The following CCDC18 variants were observed in gnomAD, a reference collection of about 807,000 sequenced individuals.
CCDC18 encodes coiled-coil domain containing 18.
Under a neutral mutation model 196.0 loss-of-function variants are expected in CCDC18, and 157 were observed. That is an observed-to-expected ratio of 0.80 (90% CI 0.70 to 0.91). The LOEUF is 0.91. Ranked by LOEUF, CCDC18 falls within the 40% of genes least tolerant of loss-of-function variation. The pLI, the probability that CCDC18 is intolerant of heterozygous loss-of-function variation, is 0.00. For synonymous variants in CCDC18, 482 were observed against 529.2 expected (o/e 0.91, Z 1.22); for missense variants, 1,465 against 1,611.6 (o/e 0.91, Z 1.56).
intron 21 of CCDC18, among the ~76,000 whole-genome samples, chr1:93,241,547 C>T (rs957769280): frequency 6.6e-6 from 1 of 151,664 alleles, no homozygotes; most frequent in African/African-American, 2.4e-5. Context: ...TATGGTGAAA[C>T]CCCATCTCTA....
chr1:93,242,969 G>A (rs1425814972), intron 21 of CCDC18, among the ~76,000 whole-genome samples: 1 of 152,206 alleles, frequency 6.6e-6, no homozygotes, highest in Non-Finnish European at 1.5e-5. Flanking sequence ...CCACCGGCTG[G>A]CATTGAGTAT....
chr1:93,228,040 T>G (rs1658684303), intron 17 of CCDC18, among the ~76,000 whole-genome samples: 1 of 149,600 alleles, frequency 6.7e-6, no homozygotes, highest in South Asian at 2.1e-4. Flanking sequence ...ATCAGAAAGG[T>G]CCAATGAGAA....
At chr1:93,273,554 C>G (rs544692762) in intron 28 of CCDC18, 1 of 152,158 alleles carries the variant, frequency 6.6e-6, no homozygotes, top group Non-Finnish European at 1.5e-5. Flanking sequence ...GTGGAACAAC[C>G]GTGCAAGATA....
chr1:93,272,497 G>T (rs1011340184), intron 28 of CCDC18, among the ~76,000 whole-genome samples: 1 of 152,136 alleles, frequency 6.6e-6, no homozygotes. Context: ...AAATAGAAGA[G>T]AAATTAGGAG....
intron 10 of CCDC18, among the ~76,000 whole-genome samples, chr1:93,211,879 G>A (rs911978533): frequency 4.0e-4 from 61 of 152,122 alleles, no homozygotes; most frequent in Non-Finnish European, 1.2e-4. Flanking sequence ...GTCATACAGT[G>A]TGTACATTTT....
chr1:93,223,759 A>G (rs1657816004), intron 16 of CCDC18, among the ~76,000 whole-genome samples: 1 of 152,176 alleles, frequency 6.6e-6, no homozygotes, highest in African/African-American at 2.4e-5. Flanking sequence ...AAAAAGTCTT[A>G]AACATAAAAG....
At chr1:93,273,869 A>G (rs2101576204) in intron 28 of CCDC18, among the ~76,000 whole-genome samples, 1 of 152,308 alleles carries the variant, frequency 6.6e-6, no homozygotes. Flanking sequence ...AATCCTTTAC[A>G]TAAATTAACT....
intron 24 of CCDC18, 124 bp from the exon 25 acceptor site, chr1:93,256,211 T>C: frequency 1.3e-6 from 1 of 749,268 alleles, no homozygotes; most frequent in South Asian, 1.9e-5. Context: ...AATTTTAACA[T>C]ACTCATTGTA....
intron 14 of CCDC18, 82 bp from the exon 15 acceptor site, chr1:93,221,527 T>G: frequency 2.1e-6 from 2 of 939,538 alleles, no homozygotes. Context: ...GTAATTTCAA[T>G]TATAGTGTCA....
intron 16 of CCDC18, among the ~76,000 whole-genome samples, chr1:93,223,452 A>G (rs879006923): frequency 4.6e-5 from 7 of 152,300 alleles, no homozygotes; most frequent in Admixed American, 2.6e-4. Context: ...TGTCATTACT[A>G]CCTTCCTTTC....
chr1:93,205,553 G>A lies in CCDC18; in HGVS notation c.839G>A (p.Cys280Tyr). ...ATATTAGAGAGAAATCTAACTAACT[G>A]TGAAAAAGAAAATAAAAGGCTACAA... is the stretch of plus-strand genomic sequence containing the variant. Reference protein sequence around the residue: ...EEILERNLTNCEKENKRLQER... With the variant: ...EEILERNLTNYEKENKRLQER... Residue 280 changes from cysteine to tyrosine, a missense_variant, in exon 8 of 29, where the codon TGT becomes TAT. Physicochemically the swap from Cys to Tyr is radical, Grantham distance 194. Coordinates refer to ENST00000690025, the MANE Select transcript of CCDC18 (RefSeq NM_001378204.1). 6.3e-7 allele frequency: 1 copy of A among 1,591,076 alleles called. No homozygotes were observed. Among genetic ancestry groups the A allele is most frequent in the South Asian group, 1.1e-5 (1 of 89,488 alleles).
chr1:93,236,663 T>A (rs185408859), intron 19 of CCDC18, among the ~76,000 whole-genome samples: 1 of 152,196 alleles, frequency 6.6e-6, no homozygotes, highest in African/African-American at 2.4e-5. Flanking sequence ...ACTGGCACAG[T>A]TCCTTATACC....
chr1:93,217,468 A>G (rs775547494), intron 13 of CCDC18, among the ~76,000 whole-genome samples: 54 of 152,180 alleles, frequency 3.5e-4, no homozygotes, highest in Non-Finnish European at 7.1e-4. Flanking sequence ...TTTTTGAGAC[A>G]AAGTCTCACT....
At chr1:93,233,813 G>A (rs182290924) in intron 18 of CCDC18, among the ~76,000 whole-genome samples, 8 of 152,194 alleles carry the variant, frequency 5.3e-5, no homozygotes, top group South Asian at 2.1e-4. Flanking sequence ...GGTCAGGCTC[G>A]TCTCAAACTC....
chr1:93,205,584 G>C lies in CCDC18; in HGVS notation c.870G>C (p.Arg290Ser). 1 of 1,598,058 alleles carries C rather than the reference G, an allele frequency of 6.3e-7. No homozygotes were observed. Among genetic ancestry groups the C allele is most frequent in the Non-Finnish European group, 8.6e-7 (1 of 1,169,186 alleles). ...CEKENKRLQE[R>S]CGLYKSELEI... is the part of the protein sequence containing the mutation. Reference sequence around the variant, plus strand: ...AAGAAAATAAAAGGCTACAAGAAAGGTGTGGTCTATATAAAAGTGAACTTG... The same window carrying C: ...AAGAAAATAAAAGGCTACAAGAAAGCTGTGGTCTATATAAAAGTGAACTTG... Residue 290 changes from arginine (R) to serine (S), a missense_variant, in exon 8 of 29, where the codon AGG (arginine) becomes AGC (serine). Physicochemically the swap from Arg to Ser is moderately radical, Grantham distance 110. Transcript: ENST00000690025.
At position 93,221,859 on chromosome 1, in the gene CCDC18, G is replaced by T; in HGVS notation, c.2098G>T (p.Glu700Ter). ...LDRLLTESKG[E>*]MKKENMKKDE... ...CTTATACTTTTCTTACTGTTTTTAG[G>T]AAATGAAAAAGGAAAATATGAAGAA... The change falls in exon 16 of 29, where the codon GAA becomes TAA. Residue 700 changes from glutamate (E) to a stop codon, truncating the protein, a stop_gained and splice_region_variant. Transcript: ENST00000690025. LOFTEE classifies it high-confidence loss of function. 6.3e-7 allele frequency: 1 copy of T among 1,595,108 alleles called. No individual in the cohort carries two copies. Among genetic ancestry groups the T allele is most frequent in the South Asian group, 1.1e-5 (1 of 87,820 alleles).
intron 1 of CCDC18, among the ~76,000 whole-genome samples, chr1:93,182,688 T>C (rs1649936102): frequency 6.6e-6 from 1 of 152,220 alleles, no homozygotes. Context: ...CTTTTCTTCA[T>C]TTCTATGAGT....
intron 28 of CCDC18, among the ~76,000 whole-genome samples, chr1:93,271,993 T>C (rs1401560071): frequency 6.6e-6 from 1 of 152,222 alleles, no homozygotes; most frequent in Non-Finnish European, 1.5e-5. Flanking sequence ...TAGGATTTAA[T>C]CTGTAGTTTG....
chr1:93,201,415 C>T (rs1653811867), intron 6 of CCDC18, among the ~76,000 whole-genome samples: 1 of 151,984 alleles, frequency 6.6e-6, no homozygotes, highest in Admixed American at 6.6e-5. Context: ...TTTTTGTTGT[C>T]TAGATTTTTA....
Sources: gnomAD v4.1 joint callset for allele counts (sites outside exome capture counted in the v4.1 genomes callset) on GRCh38, gnomAD v4.1.1 for gene constraint, MANE v1.5 for transcripts, NCBI Gene and HGNC (gene_info 2026-07-23, HGNC 2026-07-21) for gene names.